Variants in PRKCI observed in about 807,000 individuals in gnomAD.
The protein encoded by PRKCI is protein kinase C iota.
In PRKCI, 43 loss-of-function variants were observed where a neutral mutation model predicts 84.0. That is an observed-to-expected ratio of 0.51 (90% CI 0.40 to 0.66). PRKCI has a LOEUF of 0.66. PRKCI is among the 30% of genes least tolerant of loss of function. PRKCI has a pLI of 0.00. For missense variants in PRKCI, 459 were observed against 745.6 expected, an observed-to-expected ratio of 0.62 and a Z score of 4.48; for synonymous variants, 216 against 234.4, an observed-to-expected ratio of 0.92 and a Z score of 0.72.
chr3:170,260,405 A>G (rs1021815937), intron 3 of PRKCI, among the ~76,000 whole-genome samples: 1 of 152,152 alleles, frequency 6.6e-6, no homozygotes, highest in African/African-American at 2.4e-5. Flanking sequence ...ATGACCTCCA[A>G]AGGTAAGGTA....
intron 3 of PRKCI, 32 bp downstream of exon 3, chr3:170,260,090 A>G (rs375722878): frequency 2.2e-6 from 3 of 1,374,808 alleles, no homozygotes; most frequent in Admixed American, 2.0e-5. Context: ...ACTCGTCCAG[A>G]CTGATAATTT....
chr3:170,236,228 A>G (rs1732972571), intron 2 of PRKCI, among the ~76,000 whole-genome samples: 1 of 151,500 alleles, frequency 6.6e-6, no homozygotes, highest in Non-Finnish European at 1.5e-5. Flanking sequence ...CAGCCTCCCA[A>G]GTAGCTGGGA....
intron 5 of PRKCI, 38 bp from the exon 6 acceptor site, chr3:170,270,380 CCTT>C (rs1261623310): frequency 1.8e-5 from 28 of 1,555,230 alleles, no homozygotes; most frequent in Non-Finnish European, 2.2e-5. Flanking sequence ...ATGGTTATGA[CCTT>C]CTTGGTTAAT....
intron 3 of PRKCI, among the ~76,000 whole-genome samples, chr3:170,262,098 AGACT>A (rs776462369): frequency 6.8e-4 from 104 of 152,340 alleles, no homozygotes; most frequent in Non-Finnish European, 1.2e-3. Context: ...AGTACATCAC[AGACT>A]AAGAATAGCT....
At chr3:170,267,220 GA>G (rs938917019) in intron 4 of PRKCI, among the ~76,000 whole-genome samples, 18 of 146,184 alleles carry the variant, frequency 1.2e-4, no homozygotes, top group African/African-American at 2.8e-4. Context: ...AAGTAATTCA[GA>G]AAAAAAAAAG....
chr3:170,259,154 G>GA (rs1001580216), intron 2 of PRKCI, among the ~76,000 whole-genome samples: 7 of 151,466 alleles, frequency 4.6e-5, no homozygotes, highest in Non-Finnish European at 7.4e-5. Context: ...CAAAAAAAAA[G>GA]AAAAAAAATG....
intron 2 of PRKCI, among the ~76,000 whole-genome samples, chr3:170,241,420 G>A (rs1302058280): frequency 3.3e-5 from 5 of 152,052 alleles, no homozygotes; most frequent in African/African-American, 1.2e-4. Flanking sequence ...ATCATGTGGT[G>A]TTTGCCTTTG....
At chr3:170,242,474 A>G (rs546453225) in intron 2 of PRKCI, among the ~76,000 whole-genome samples, 53 of 152,130 alleles carry the variant, frequency 3.5e-4, no homozygotes, top group Admixed American at 1.1e-3. Flanking sequence ...ACAAGAAAAG[A>G]AAAAATTAAC....
At chr3:170,285,668 A>G (rs1685694676) in intron 12 of PRKCI, among the ~76,000 whole-genome samples, 1 of 152,146 alleles carries the variant, frequency 6.6e-6, no homozygotes, top group African/African-American at 2.4e-5. Flanking sequence ...AAAGAATAAA[A>G]TCTTCACTTA....
chr3:170,285,250 T>A (rs951464561), intron 12 of PRKCI, among the ~76,000 whole-genome samples: 11 of 151,856 alleles, frequency 7.2e-5, no homozygotes, highest in Non-Finnish European at 1.3e-4. Context: ...CAGCTAAGTT[T>A]TTGTATTTTT....
At chr3:170,270,936 A>G (rs1733986756) in intron 6 of PRKCI, among the ~76,000 whole-genome samples, 2 of 151,710 alleles carry the variant, frequency 1.3e-5, no homozygotes, top group South Asian at 4.1e-4. Context: ...GAAGAGTCAA[A>G]GGTATCATGT....
chr3:170,287,922 A>G (rs1300720438), intron 12 of PRKCI, among the ~76,000 whole-genome samples: 1 of 151,090 alleles, frequency 6.6e-6, no homozygotes, highest in East Asian at 1.9e-4. Context: ...AAAAAAAAAA[A>G]AAAAAAAAGA....
At position 170,305,674 on chromosome 3, in the gene PRKCI, T is replaced by C. The variant is rs1468481885; in HGVS notation, c.*2547T>C. The C allele has an allele frequency of 6.6e-6, 1 of 152,232 alleles. No individual in the cohort carries two copies. The highest frequency in any genetic ancestry group is 1.9e-4 in the East Asian group (1 of 5,200). The allele number at this position is 152,232 out of a possible 1,614,324, so 9.4% of individuals were successfully genotyped here. A position where few individuals can be genotyped will look rare whatever the true frequency, so the allele number is the denominator to read the frequency against. On this transcript the variant is annotated 3_prime_UTR_variant, in exon 18 of 18. Coordinates refer to ENST00000295797, the MANE Select transcript of PRKCI (RefSeq NM_002740.6). The stretch of plus-strand genomic sequence containing the variant: ...TTAAGTGCCATGCCAATTGTTCTTA[T>C]ATTCTATAGAAGTTCGCTCAAAATA...
chr3:170,222,539 G>T lies in PRKCI; in HGVS notation c.-131G>T. 2.6e-6 allele frequency: 2 copies of T among 757,556 alleles called. No homozygotes were observed. Among genetic ancestry groups the T allele is most frequent in the South Asian group, 4.9e-5 (2 of 40,904 alleles). The allele number at this position is 757,556 out of a possible 1,614,324, so 46.9% of individuals were successfully genotyped here. A position where few individuals can be genotyped will look rare whatever the true frequency, so the allele number is the denominator to read the frequency against. ...GAGGCGACCCTTGGGTCGGCGCTGC[G>T]GGCGAGGTGGGCAGGTAGGTGGGCG... is the stretch of plus-strand genomic sequence containing the variant. On this transcript the variant is annotated 5_prime_UTR_variant, in exon 1 of 18. Transcript: ENST00000295797.
intron 8 of PRKCI, among the ~76,000 whole-genome samples, chr3:170,276,213 A>G (rs1362186674): frequency 6.6e-6 from 1 of 152,152 alleles, no homozygotes; most frequent in Non-Finnish European, 1.5e-5. Flanking sequence ...TGTTAGGATT[A>G]CAGGCATGAG....
intron 4 of PRKCI, among the ~76,000 whole-genome samples, chr3:170,266,379 G>A (rs942498210): frequency 4.6e-5 from 7 of 152,086 alleles, no homozygotes; most frequent in African/African-American, 1.7e-4. Flanking sequence ...TCAGTAGTGG[G>A]AGTTGATAAT....
intron 2 of PRKCI, chr3:170,244,737 T>C (rs907732779): frequency 6.6e-6 from 1 of 152,108 alleles, no homozygotes; most frequent in Non-Finnish European, 1.5e-5. Flanking sequence ...CACCCCCCAA[T>C]GGGGTTCGGA....
intron 2 of PRKCI, among the ~76,000 whole-genome samples, chr3:170,252,871 C>A (rs1733490203): frequency 1.3e-5 from 2 of 152,280 alleles, no homozygotes; most frequent in Admixed American, 1.3e-4. Context: ...CCACTCTCCA[C>A]CACTATCGTT....
At chr3:170,231,741 A>G (rs1201034959) in intron 1 of PRKCI, among the ~76,000 whole-genome samples, 1 of 152,244 alleles carries the variant, frequency 6.6e-6, no homozygotes, top group Non-Finnish European at 1.5e-5. Flanking sequence ...CTAGGATTAC[A>G]GGTGTGAGCC....
Sources: allele counts gnomAD v4.1 joint callset (sites outside exome capture counted in the v4.1 genomes callset), GRCh38; gene constraint gnomAD v4.1.1; transcripts MANE v1.5; gene names NCBI Gene and HGNC (gene_info 2026-07-23, HGNC 2026-07-21).